Variants in SNAPC4 observed in about 807,000 individuals in gnomAD.
SNAPC4 encodes the protein small nuclear RNA activating complex polypeptide 4, also known as snRNA-activating protein complex subunit 4.
A neutral mutation model predicts 151.3 loss-of-function variants in SNAPC4; 127 were observed. The ratio of observed to expected loss-of-function variants is 0.84; its 90% confidence interval spans 0.73 to 0.97. The LOEUF (loss-of-function observed/expected upper bound fraction) is 0.97, where lower values mean the gene tolerates loss of function less well. Among genes scored for constraint, SNAPC4 ranks in the 50% least tolerant of loss-of-function variants. The pLI, the probability that SNAPC4 is intolerant of heterozygous loss-of-function variation, is 0.00. For missense variants in SNAPC4, 2,186 were observed against 1,935.0 expected (o/e 1.13, Z -2.43); for synonymous variants, 1,002 against 824.4 (o/e 1.22, Z -3.69).
rs1564376080 is a variant in SNAPC4 at position 136,378,012 on chromosome 9, C to T, written c.3815G>A (p.Gly1272Asp). The change falls in exon 22 of 24, where the codon GGC becomes GAC. Residue 1272 changes from glycine (G) to aspartate (D), a missense_variant. Coordinates refer to ENST00000684778, the MANE Select transcript of SNAPC4 (RefSeq NM_003086.4). The part of the protein sequence containing the change: ...PGPEKGALDL[G>D]LLSQEGEAAT... ...CGCCTCGCCCTCCTGGGACAGCAGG[C>T]CCAGGTCCAGGGCCCCCTTCTCAGG... 1.9e-6 allele frequency: 3 copies of T among 1,596,558 alleles called. No homozygotes were observed. The highest frequency in any genetic ancestry group is 1.7e-5 in the Admixed American group (1 of 57,974).
intron 23 of SNAPC4, 102 bp from the exon 24 acceptor site, chr9:136,375,902 C>G (rs1024167274): frequency 6.5e-6 from 1 of 154,992 alleles, no homozygotes; most frequent in Non-Finnish European, 1.4e-5. Context: ...CCAGCGCCGG[C>G]CACGCCCAGT....
chr9:136,397,977 G>A (rs1388608314), intron 2 of SNAPC4, among the ~76,000 whole-genome samples: 1 of 152,126 alleles, frequency 6.6e-6, no homozygotes, highest in African/African-American at 2.4e-5. Flanking sequence ...GCTAGCAAAG[G>A]AGGAATTGTC....
Position 136,392,674 on chromosome 9 carries a change from T to G in SNAPC4, c.736A>C (p.Asn246His). Residue 246 changes from asparagine (N) to histidine (H), a missense_variant and splice_region_variant, in exon 8 of 24, where the codon AAC (asparagine) becomes CAC (histidine). Physicochemically the swap from Asn to His is moderately conservative, Grantham distance 68 (BLOSUM62 1). Coordinates refer to ENST00000684778, the MANE Select transcript of SNAPC4 (RefSeq NM_003086.4). ...REAEKEIQDI[N>H]QLPEEALLGN... ...GCCCTCCCGGGAGGCCCCCCTCACTTGATGTCCTGGATCTCCTTCTCGGCT... is the reference window on the plus strand; with the variant it reads ...GCCCTCCCGGGAGGCCCCCCTCACTGGATGTCCTGGATCTCCTTCTCGGCT... 1 of 1,613,694 alleles carries G rather than the reference T, an allele frequency of 6.2e-7. No homozygotes were observed. Among genetic ancestry groups the G allele is most frequent in the Non-Finnish European group, 8.5e-7 (1 of 1,179,948 alleles).
rs1833533155 is a variant in SNAPC4 at position 136,378,133 on chromosome 9, T to C, written c.3694A>G (p.Arg1232Gly). Reference sequence around the variant, plus strand: ...AGCTTCTCCAGGCCCAGAGGCCCCCTGGGCTCCTGTGTCCCTGAGGGGGAC... The same window carrying C: ...AGCTTCTCCAGGCCCAGAGGCCCCCCGGGCTCCTGTGTCCCTGAGGGGGAC... The part of the protein sequence containing the change: ...PGSPSGTQEP[R>G]GPLGLEKLPL... The change falls in exon 22 of 24, where the codon AGG becomes GGG. Residue 1232 changes from arginine (R) to glycine (G), a missense_variant. Coordinates refer to ENST00000684778, the MANE Select transcript of SNAPC4 (RefSeq NM_003086.4). 6.2e-7 allele frequency: 1 copy of C among 1,606,474 alleles called. No individual in the cohort carries two copies. The highest frequency in any genetic ancestry group is 1.3e-5 in the African/African-American group (1 of 74,804).
In SNAPC4 at chr9:136,378,674, G is replaced by A. The variant is rs1205522247; in HGVS notation, c.3153C>T (p.Thr1051=). Reference sequence around the variant, plus strand: ...GGCTGAGGGGCTGGACGGGCAGTGGGGTGGGGCTGGGGGCTGCGGGGAGAA... The same window carrying A: ...GGCTGAGGGGCTGGACGGGCAGTGGAGTGGGGCTGGGGGCTGCGGGGAGAA... ...PPFLPAAPSP[T]PLPVQPLSLT... Residue 1051 remains threonine (T), a synonymous_variant, in exon 22 of 24, where the codon ACC becomes ACT. Coordinates refer to ENST00000684778, the MANE Select transcript of SNAPC4 (RefSeq NM_003086.4). 1.3e-6 allele frequency: 2 copies of A among 1,504,352 alleles called. No homozygotes were observed. Among genetic ancestry groups the A allele is most frequent in the African/African-American group, 2.8e-5 (2 of 71,940 alleles). The allele number at this position is 1,504,352 out of a possible 1,614,324, so 93.2% of individuals were successfully genotyped here.
chr9:136,387,387 C>T (rs900432514), intron 13 of SNAPC4, 98 bp downstream of exon 13: 12 of 880,838 alleles, frequency 1.4e-5, no homozygotes, highest in Non-Finnish European at 2.1e-5. Flanking sequence ...TCGCCCAGCG[C>T]TGGCCGCTGT....
chr9:136,378,770 GGGGCAGCTCAC>G lies in SNAPC4; in HGVS notation c.3046_3056del (p.Val1016ArgfsTer20). The G allele has an allele frequency of 6.5e-7, 1 of 1,540,490 alleles. No homozygotes were observed. Among genetic ancestry groups the G allele is most frequent in the Non-Finnish European group, 8.8e-7 (1 of 1,142,782 alleles). On this transcript the variant is annotated frameshift_variant, in exon 22 of 24. Coordinates refer to ENST00000684778, the MANE Select transcript of SNAPC4 (RefSeq NM_003086.4). LOFTEE classifies it high-confidence loss of function. ...CCTGAGACTGTCCGAGACCACTCTC[GGGGCAGCTCAC>G]AGAGATCTGGCCGGGGCCCAGGGCA...
chr9:136,382,166 C>G, intron 17 of SNAPC4, 87 bp downstream of exon 17: 1 of 1,583,066 alleles, frequency 6.3e-7, no homozygotes, highest in Admixed American at 1.7e-5. Flanking sequence ...CCACCCCCAT[C>G]AGGGCATGAT....
chr9:136,388,835 G>C (rs202081263), intron 10 of SNAPC4, among the ~76,000 whole-genome samples: 1 of 110,388 alleles, frequency 9.1e-6, no homozygotes, highest in African/African-American at 3.0e-5. Flanking sequence ...CTTCACTTAA[G>C]AAAATATTAA....
At position 136,383,582 on chromosome 9, in the gene SNAPC4, G is replaced by C; in HGVS notation, c.1587C>G (p.Gly529=). ...SSTSSSGSSS[G]SSGGSSSSSS... ...TGCTGCTGCTGCTCCCTCCACTGCT[G>C]CCACTGCTGCTGCCGCTGCTGCTGG... Residue 529 remains glycine (G), a synonymous_variant, in exon 16 of 24, where the codon GGC becomes GGG. Transcript: ENST00000684778. The surrounding 1 kb of genome is among the most constrained non-coding windows in gnomAD (Gnocchi z 4.2). The C allele has an allele frequency of 6.2e-7, 1 of 1,609,582 alleles. No individual in the cohort carries two copies. The highest frequency in any genetic ancestry group is 8.5e-7 in the Non-Finnish European group (1 of 1,178,158).
In SNAPC4 at chr9:136,392,123, A is replaced by G. The variant is rs1331897126; in HGVS notation, c.811-17T>C. The G allele has an allele frequency of 6.2e-7, 1 of 1,610,280 alleles. No individual in the cohort carries two copies. Among genetic ancestry groups the G allele is most frequent in the African/African-American group, 1.3e-5 (1 of 74,812 alleles). ...GCCTTCAAACTGCACCGACAGAGAC[A>G]CTCAGCCTTGCAGGCCACTGACCCC... On this transcript the variant is annotated splice_polypyrimidine_tract_variant and intron_variant, in intron 9 of 23. Transcript: ENST00000684778.
intron 23 of SNAPC4, 95 bp downstream of exon 23, chr9:136,376,254 G>A (rs1180025242): frequency 2.8e-5 from 40 of 1,450,500 alleles, no homozygotes; most frequent in Non-Finnish European, 3.4e-5. Context: ...TGCTGTGAGC[G>A]CCAAAGAGCC....
chr9:136,382,810 C>A (rs534556361), intron 16 of SNAPC4, among the ~76,000 whole-genome samples: 1 of 152,318 alleles, frequency 6.6e-6, no homozygotes, highest in East Asian at 1.9e-4. Flanking sequence ...ACAAGCCAGG[C>A]TTGTCCCAAG....
chr9:136,380,697 C>T (rs369678496), intron 20 of SNAPC4, 43 bp downstream of exon 20: 42 of 1,119,640 alleles, frequency 3.8e-5, no homozygotes, highest in Admixed American at 3.2e-4. Flanking sequence ...AACGCCGGGG[C>T]GGGCAGTGGC....
At chr9:136,384,671 A>G in intron 14 of SNAPC4, 49 bp downstream of exon 14, 1 of 1,005,120 alleles carries the variant, frequency 9.9e-7, no homozygotes, top group South Asian at 1.4e-5. Context: ...TTTCTAAGAA[A>G]CAAAAAACAA....
intron 18 of SNAPC4, among the ~76,000 whole-genome samples, 193 bp downstream of exon 18, chr9:136,381,631 G>A (rs1032718178): frequency 6.6e-6 from 1 of 151,844 alleles, no homozygotes; most frequent in African/African-American, 2.4e-5. Flanking sequence ...GTGGGGTAGG[G>A]AGGGAGGGCT....
chr9:136,397,556 TGTTG>T (rs1564397222), intron 2 of SNAPC4, among the ~76,000 whole-genome samples: 1 of 101,240 alleles, frequency 9.9e-6, no homozygotes, highest in African/African-American at 3.8e-5. Flanking sequence ...GAGGGGAGCA[TGTTG>T]GGAGGAGAGG....
chr9:136,393,669 T>A (rs1008473119), intron 7 of SNAPC4, among the ~76,000 whole-genome samples: 1 of 151,352 alleles, frequency 6.6e-6, no homozygotes, highest in Non-Finnish European at 1.5e-5. Context: ...ACACCTCTCA[T>A]CGTGGCCGTG....
At position 136,394,336 on chromosome 9, in the gene SNAPC4, G is replaced by A. The variant is rs1197922328; in HGVS notation, c.551-6C>T. On this transcript the variant is annotated splice_region_variant and splice_polypyrimidine_tract_variant and intron_variant, in intron 6 of 23. Coordinates refer to ENST00000684778, the MANE Select transcript of SNAPC4 (RefSeq NM_003086.4). ...GGCCTTTTCCCAGTTTTTCCCTGAG[G>A]AGAAGCCACAGCATCATCACTGGGG... 1.2e-6 allele frequency: 2 copies of A among 1,612,312 alleles called. No individual in the cohort carries two copies. Among genetic ancestry groups the A allele is most frequent in the African/African-American group, 2.7e-5 (2 of 74,898 alleles).
Sources: allele counts gnomAD v4.1 joint callset (sites outside exome capture counted in the v4.1 genomes callset), GRCh38; gene constraint gnomAD v4.1.1; non-coding constraint Gnocchi (gnomAD v3.1); transcripts MANE v1.5; gene names NCBI Gene and HGNC (gene_info 2026-07-23, HGNC 2026-07-21).